The following FHIP1A variants were observed in gnomAD, a reference collection of about 807,000 sequenced individuals.
FHIP1A encodes the protein FHF complex subunit HOOK-interacting protein 1A.
FHIP1A carries 61 observed loss-of-function variants against 88.6 expected under a neutral mutation model. The ratio of observed to expected loss-of-function variants is 0.69; its 90% CI spans 0.56 to 0.85. The LOEUF (loss-of-function observed/expected upper bound fraction) is 0.85. Ranked by LOEUF, FHIP1A falls within the 40% of genes least tolerant of loss-of-function variation. The pLI, the probability that FHIP1A is intolerant of heterozygous loss-of-function variation, is 0.00. For missense variants in FHIP1A, 1,154 were observed against 1,273.5 expected (o/e 0.91, Z 1.43); for synonymous variants, 478 against 496.0 (o/e 0.96, Z 0.48).
intron 7 of FHIP1A, among the ~76,000 whole-genome samples, chr4:151,599,891 G>A (rs1000359855): frequency 6.6e-6 from 1 of 152,132 alleles, no homozygotes; most frequent in South Asian, 2.1e-4. Flanking sequence ...ATATTCAGGA[G>A]TTCAAATGGA....
chr4:151,442,232 T>C (rs924283582), intron 1 of FHIP1A, among the ~76,000 whole-genome samples: 33 of 152,138 alleles, frequency 2.2e-4, no homozygotes, highest in African/African-American at 6.8e-4. Context: ...TCCCATGTTA[T>C]AATGCAGTGT....
At chr4:151,581,888 G>C (rs1488356223) in intron 5 of FHIP1A, among the ~76,000 whole-genome samples, 1 of 152,180 alleles carries the variant, frequency 6.6e-6, no homozygotes, top group Non-Finnish European at 1.5e-5. Flanking sequence ...TTGATAGGAA[G>C]AGCTTGCTGG....
intron 7 of FHIP1A, among the ~76,000 whole-genome samples, chr4:151,598,099 A>G (rs1734719976): frequency 6.6e-6 from 1 of 151,870 alleles, no homozygotes; most frequent in Non-Finnish European, 1.5e-5. Context: ...CAGCTCTTGC[A>G]GCTAGCTCAG....
At chr4:151,443,254 C>T (rs998796380) in intron 1 of FHIP1A, among the ~76,000 whole-genome samples, 1 of 152,078 alleles carries the variant, frequency 6.6e-6, no homozygotes, top group Admixed American at 6.6e-5. Flanking sequence ...GCTATGATCA[C>T]ACCACTACAC....
intron 5 of FHIP1A, among the ~76,000 whole-genome samples, chr4:151,581,610 A>G (rs1358059362): frequency 1.3e-5 from 2 of 152,150 alleles, no homozygotes; most frequent in African/African-American, 4.8e-5. Flanking sequence ...CACGAGCTTC[A>G]TTGTGTTAAG....
chr4:151,449,865 A>G (rs2126578078), intron 1 of FHIP1A, among the ~76,000 whole-genome samples: 1 of 152,302 alleles, frequency 6.6e-6, no homozygotes, highest in East Asian at 1.9e-4. Context: ...CAGTCTGTGA[A>G]GGTTTACAAT....
intron 3 of FHIP1A, among the ~76,000 whole-genome samples, chr4:151,513,948 C>A (rs868641388): frequency 3.3e-5 from 5 of 149,888 alleles, no homozygotes; most frequent in Non-Finnish European, 7.4e-5. Flanking sequence ...CTGCACCAAG[C>A]GGACCTAATA....
chr4:151,576,095 A>G (rs1352522560), intron 4 of FHIP1A, among the ~76,000 whole-genome samples: 2 of 152,240 alleles, frequency 1.3e-5, no homozygotes, highest in Non-Finnish European at 2.9e-5. Flanking sequence ...CATGAAGTTA[A>G]ATGGAAGTTG....
At chr4:151,449,123 A>G (rs1475786143) in intron 1 of FHIP1A, among the ~76,000 whole-genome samples, 1 of 152,164 alleles carries the variant, frequency 6.6e-6, no homozygotes, top group African/African-American at 2.4e-5. Context: ...TCTCCATAGC[A>G]TTCTAGTATG....
At chr4:151,532,501 G>A (rs1281228695) in intron 3 of FHIP1A, among the ~76,000 whole-genome samples, 2 of 152,200 alleles carry the variant, frequency 1.3e-5, no homozygotes, top group Non-Finnish European at 1.5e-5. Context: ...AGGAAGGTTA[G>A]CGTATGCTCC....
chr4:151,587,903 A>G (rs1578787335), intron 6 of FHIP1A, among the ~76,000 whole-genome samples: 1 of 152,258 alleles, frequency 6.6e-6, no homozygotes, highest in South Asian at 2.1e-4. Flanking sequence ...GAAATAAAAA[A>G]GATGGAACTA....
chr4:151,547,207 G>A (rs967372545), intron 3 of FHIP1A, among the ~76,000 whole-genome samples: 1 of 150,740 alleles, frequency 6.6e-6, no homozygotes, highest in Non-Finnish European at 1.5e-5. Context: ...AGCAGTGGCA[G>A]AAGTACCTGC....
chr4:151,410,471 G>C (rs1220591702), intron 1 of FHIP1A, among the ~76,000 whole-genome samples: 1 of 152,230 alleles, frequency 6.6e-6, no homozygotes, highest in Non-Finnish European at 1.5e-5. Flanking sequence ...CCTGCTAATA[G>C]TCATAGCAGC....
chr4:151,552,763 A>T (rs1409679158), intron 3 of FHIP1A, among the ~76,000 whole-genome samples: 2 of 151,870 alleles, frequency 1.3e-5, no homozygotes, highest in Non-Finnish European at 2.9e-5. Flanking sequence ...AACACGGCAC[A>T]TGTATACATA....
intron 5 of FHIP1A, among the ~76,000 whole-genome samples, chr4:151,579,821 T>A (rs1017446381): frequency 1.3e-5 from 2 of 152,202 alleles, no homozygotes; most frequent in Non-Finnish European, 2.9e-5. Flanking sequence ...TACAGAAAAC[T>A]TAAAACACTA....
chr4:151,599,455 GC>G (rs34095122), intron 7 of FHIP1A, among the ~76,000 whole-genome samples: 42,837 of 152,066 alleles, frequency 0.28, 6,304 homozygotes, highest in Non-Finnish European at 0.33. Flanking sequence ...GAAAATAGGA[GC>G]AAGATGGGGG....
At chr4:151,560,529 A>T (rs1733133117) in intron 3 of FHIP1A, among the ~76,000 whole-genome samples, 1 of 152,230 alleles carries the variant, frequency 6.6e-6, no homozygotes, top group East Asian at 1.9e-4. Context: ...GTTCTACCCT[A>T]TAGAACTTGT....
intron 3 of FHIP1A, among the ~76,000 whole-genome samples, chr4:151,555,051 C>T (rs936120706): frequency 2.0e-5 from 3 of 152,052 alleles, no homozygotes; most frequent in African/African-American, 7.2e-5. Context: ...GGTTCTCCCC[C>T]CAATCACAGA....
chr4:151,488,281 G>A (rs1212251664), intron 3 of FHIP1A, among the ~76,000 whole-genome samples: 2 of 152,068 alleles, frequency 1.3e-5, no homozygotes, highest in Non-Finnish European at 2.9e-5. Flanking sequence ...CCTAGGTAGT[G>A]AGCATAGTAC....
Sources: allele counts gnomAD v4.1 joint callset (sites outside exome capture counted in the v4.1 genomes callset), GRCh38; gene constraint gnomAD v4.1.1; transcripts MANE v1.5; gene names NCBI Gene and HGNC (gene_info 2026-07-23, HGNC 2026-07-21).